The following FREM2 variants were observed in gnomAD, a reference collection of about 807,000 sequenced individuals.
FREM2 encodes FRAS1 related extracellular matrix 2, also known as FRAS1-related extracellular matrix protein 2.
FREM2 carries 119 observed loss-of-function variants against 219.9 expected under a neutral mutation model. The ratio of observed to expected loss-of-function variants is 0.54; its 90% CI spans 0.47 to 0.63. FREM2 has a LOEUF of 0.63. FREM2 is among the 30% of genes least tolerant of loss of function. The probability of loss-of-function intolerance (pLI) is 0.00; values close to 1 mark genes in which losing one functional copy is unlikely to be tolerated. For synonymous variants in FREM2, 1,562 were observed against 1,522.8 expected (o/e 1.03, Z -0.60); for missense variants, 4,030 against 3,993.6 (o/e 1.01, Z -0.25).
At chr13:38,846,874 T>G (rs1037350524) in intron 7 of FREM2, 152 bp downstream of exon 7, 1 of 838,404 alleles carries the variant, frequency 1.2e-6, no homozygotes, top group African/African-American at 1.7e-5. Context: ...GAGGTAAATC[T>G]AGGCTTTATT....
chr13:38,720,633 C>T (rs1871188238), intron 2 of FREM2, among the ~76,000 whole-genome samples: 1 of 152,148 alleles, frequency 6.6e-6, no homozygotes, highest in Non-Finnish European at 1.5e-5. Context: ...TTCTGGTCTA[C>T]AGAGAAGGGG....
chr13:38,810,778 C>CT (rs1046063269), intron 6 of FREM2, among the ~76,000 whole-genome samples: 8 of 151,736 alleles, frequency 5.3e-5, no homozygotes, highest in African/African-American at 1.9e-4. Flanking sequence ...CCATAGTTTT[C>CT]TTTTTTTATA....
In FREM2 at chr13:38,886,211, T is replaced by C. The variant is rs1878720458; in HGVS notation, c.*5424T>C. The C allele has an allele frequency of 6.6e-6, 1 of 152,154 alleles. No individual in the cohort carries two copies. Among genetic ancestry groups the C allele is most frequent in the Non-Finnish European group, 1.5e-5 (1 of 68,026 alleles). The allele number at this position is 152,154 out of a possible 1,614,324, so 9.4% of individuals were successfully genotyped here. ...ATCACTTAAAATAGAGAAAGGCAAC[T>C]ACTGAGTAAGAAGAAAAGATAATTT... On this transcript the variant is annotated 3_prime_UTR_variant, in exon 24 of 24. Coordinates refer to ENST00000280481, the MANE Select transcript of FREM2 (RefSeq NM_207361.6).
chr13:38,707,537 T>C (rs1199681496), intron 2 of FREM2, among the ~76,000 whole-genome samples: 1 of 152,190 alleles, frequency 6.6e-6, no homozygotes, highest in Non-Finnish European at 1.5e-5. Context: ...GCGCCTGTTC[T>C]CCATCCCTCT....
intron 16 of FREM2, among the ~76,000 whole-genome samples, chr13:38,871,875 A>G (rs904825131): frequency 2.6e-5 from 4 of 152,202 alleles, no homozygotes; most frequent in African/African-American, 9.7e-5. Flanking sequence ...AGAAGGAGGA[A>G]AGTATAAAAT....
chr13:38,851,617 C>A, intron 10 of FREM2, 69 bp from the exon 11 acceptor site: 1 of 1,214,760 alleles, frequency 8.2e-7, no homozygotes, highest in Non-Finnish European at 1.2e-6. Flanking sequence ...TGGAAACAAA[C>A]ATTAGAAATG....
Position 38,880,403 on chromosome 13 carries a change from G to A in FREM2, c.9126G>A (p.Lys3042=), listed in dbSNP as rs368021911. ...ACCATTCTCTGGTGAGTCAAGGAAAGCCCCAATCCACCACCAAGAGCCGGA... is the reference window on the plus strand; with the variant it reads ...ACCATTCTCTGGTGAGTCAAGGAAAACCCCAATCCACCACCAAGAGCCGGA... The part of the protein sequence containing the change: ...VEYHSLVSQG[K]PQSTTKSRKK... The change falls in exon 24 of 24, where the codon AAG becomes AAA. Residue 3042 remains lysine (K), a synonymous_variant. Transcript: ENST00000280481. 101 of 1,613,968 alleles carry A rather than the reference G, an allele frequency of 6.3e-5. No individual in the cohort carries two copies. Among genetic ancestry groups the A allele is most frequent in the African/African-American group, 9.3e-5 (7 of 74,894 alleles).
At chr13:38,698,836 A>G (rs1296876167) in intron 2 of FREM2, among the ~76,000 whole-genome samples, 3 of 152,232 alleles carry the variant, frequency 2.0e-5, no homozygotes, top group East Asian at 1.9e-4. Context: ...AAAAATGTCA[A>G]TTGTTGAGTG....
chr13:38,814,547 G>T (rs530618341), intron 6 of FREM2, among the ~76,000 whole-genome samples: 1 of 152,112 alleles, frequency 6.6e-6, no homozygotes, highest in Non-Finnish European at 1.5e-5. Flanking sequence ...GGAACCTGGG[G>T]TGTGGTGAGG....
chr13:38,793,792 G>C (rs1416952147), intron 6 of FREM2, among the ~76,000 whole-genome samples: 1 of 152,178 alleles, frequency 6.6e-6, no homozygotes, highest in Non-Finnish European at 1.5e-5. Context: ...GGAGGCATCT[G>C]AGAGATAGTG....
chr13:38,775,446 A>G (rs1440501091), intron 4 of FREM2, among the ~76,000 whole-genome samples: 1 of 152,212 alleles, frequency 6.6e-6, no homozygotes, highest in Non-Finnish European at 1.5e-5. Flanking sequence ...TAAGGCAAAC[A>G]AAAAATTTCA....
intron 6 of FREM2, among the ~76,000 whole-genome samples, chr13:38,845,042 AG>A (rs1877099999): frequency 6.6e-6 from 1 of 152,096 alleles, no homozygotes. Context: ...GATAAGAAGG[AG>A]GCTAACTATG....
At chr13:38,704,176 T>C (rs905568370) in intron 2 of FREM2, among the ~76,000 whole-genome samples, 1 of 152,160 alleles carries the variant, frequency 6.6e-6, no homozygotes, top group African/African-American at 2.4e-5. Context: ...AAAGCAAGAT[T>C]CCTTGTAAAT....
chr13:38,850,369 A>G lies in FREM2; in HGVS notation c.6577+134A>G. 4 of 754,658 alleles carry G rather than the reference A, an allele frequency of 5.3e-6. No homozygotes were observed. The South Asian group carries it at 6.1e-5, about 11-fold the overall frequency. 46.7% of individuals were successfully genotyped at this position (754,658 alleles called of 1,614,324 possible). A position where few individuals can be genotyped will look rare whatever the true frequency, so the allele number is the denominator to read the frequency against. On this transcript the variant is annotated intron_variant, in intron 9 of 23. Coordinates refer to ENST00000280481, the MANE Select transcript of FREM2 (RefSeq NM_207361.6). ...TGGTTTTATGTGCAATAAATGAGGA[A>G]AGTGAAATCGATTTTTAACAGGTTG...
intron 6 of FREM2, 72 bp downstream of exon 6, chr13:38,784,880 A>G: frequency 6.7e-7 from 1 of 1,500,464 alleles, no homozygotes; most frequent in Non-Finnish European, 9.2e-7. Flanking sequence ...CTAGACAGAA[A>G]AAATGGGAAT....
intron 23 of FREM2, among the ~76,000 whole-genome samples, chr13:38,879,310 T>G (rs1329074167): frequency 6.6e-6 from 1 of 152,236 alleles, no homozygotes; most frequent in Non-Finnish European, 1.5e-5. Context: ...TGTCTGACAG[T>G]TGAGTAATCT....
chr13:38,840,571 GAATCACAGAGCATC>G (rs985681771), intron 6 of FREM2, among the ~76,000 whole-genome samples: 2 of 149,966 alleles, frequency 1.3e-5, no homozygotes, highest in African/African-American at 5.0e-5. Flanking sequence ...GTAAGGTATA[GAATCACAGAGCATC>G]AATATCTCAA....
At chr13:38,803,592 C>A (rs1178215550) in intron 6 of FREM2, among the ~76,000 whole-genome samples, 2 of 151,728 alleles carry the variant, frequency 1.3e-5, no homozygotes, top group East Asian at 3.9e-4. Flanking sequence ...AGTATTAAGT[C>A]AGTGTTAACA....
In FREM2 at chr13:38,885,450, A is replaced by G. The variant is rs554972713; in HGVS notation, c.*4663A>G. On this transcript the variant is annotated 3_prime_UTR_variant, in exon 24 of 24. Transcript: ENST00000280481. Reference sequence around the variant, plus strand: ...TCAATATTTTGTTTGCTAAAGAACAATAACAACAACAAAGCTGGTCCAGCC... The same window carrying G: ...TCAATATTTTGTTTGCTAAAGAACAGTAACAACAACAAAGCTGGTCCAGCC... 2.6e-5 allele frequency: 4 copies of G among 152,194 alleles called. No individual in the cohort carries two copies. Among genetic ancestry groups the G allele is most frequent in the Non-Finnish European group, 5.9e-5 (4 of 68,026 alleles). The allele number at this position is 152,194 out of a possible 1,614,324, so 9.4% of individuals were successfully genotyped here. A position where few individuals can be genotyped will look rare whatever the true frequency, so the allele number is the denominator to read the frequency against.
Sources: gnomAD v4.1 joint callset for allele counts (sites outside exome capture counted in the v4.1 genomes callset) on GRCh38, gnomAD v4.1.1 for gene constraint, MANE v1.5 for transcripts, NCBI Gene and HGNC (gene_info 2026-07-23, HGNC 2026-07-21) for gene names.